Variants in GAL3ST2 observed in about 807,000 individuals in gnomAD.
GAL3ST2 encodes the protein galactose-3-O-sulfotransferase 2.
GAL3ST2 carries 16 observed loss-of-function variants against 12.9 expected under a neutral mutation model. The ratio of observed to expected loss-of-function variants is 1.24; its 90% CI spans 0.84 to 1.88. GAL3ST2 has a LOEUF of 1.88. Among genes scored for constraint, GAL3ST2 ranks in the 40% most tolerant of loss-of-function variants. GAL3ST2 has a pLI of 0.00. For synonymous variants in GAL3ST2, 302 were observed against 273.9 expected (o/e 1.10, Z -1.01); for missense variants, 639 against 571.8 (o/e 1.12, Z -1.20).
chr2:241,800,056 C>T lies in GAL3ST2; in HGVS notation c.119+902C>T, dbSNP rs1699821888. Among the ~76,000 whole-genome samples, 1 of 152,182 alleles carries T rather than the reference C, an allele frequency of 6.6e-6. No homozygotes were observed. Among genetic ancestry groups the T allele is most frequent in the African/African-American group, 2.4e-5 (1 of 41,432 alleles). On this transcript the variant is annotated intron_variant, in intron 2 of 3. Coordinates refer to ENST00000192314, the MANE Select transcript of GAL3ST2 (RefSeq NM_022134.3). The surrounding 1 kb of genome is among the most constrained non-coding windows in gnomAD (Gnocchi z 5.2). ...CAGCTGCATGTGCGTGCCTGGGCAC[C>T]AGGGAGAAGGCTGGGGTGATGTGTG...
chr2:241,783,449 T>C (rs180939705), intron 1 of GAL3ST2, among the ~76,000 whole-genome samples: 127 of 152,336 alleles, frequency 8.3e-4, no homozygotes, highest in African/African-American at 2.9e-3. Flanking sequence ...TGTATTGTTA[T>C]AACTTTCTAT....
Position 241,803,630 on chromosome 2 carries a change from T to G in GAL3ST2, c.661T>G (p.Phe221Val). ...RARIAEVERR[F>V]RLVLIAEHLD... ...GCGCATCGCCGAGGTGGAGCGGCGC[T>G]TCCGGCTGGTGCTCATCGCCGAGCA... Residue 221 changes from phenylalanine (F) to valine (V), a missense_variant, in exon 4 of 4, where the codon TTC becomes GTC. Physicochemically the swap from Phe to Val is conservative, Grantham distance 50. Transcript: ENST00000192314. 6.4e-7 allele frequency: 1 copy of G among 1,553,984 alleles called. No homozygotes were observed. Among genetic ancestry groups the G allele is most frequent in the Non-Finnish European group, 8.7e-7 (1 of 1,148,514 alleles).
At chr2:241,786,932 A>G (rs1044183917) in intron 1 of GAL3ST2, among the ~76,000 whole-genome samples, 5 of 152,190 alleles carry the variant, frequency 3.3e-5, no homozygotes, top group African/African-American at 1.2e-4. Context: ...CTTAGGGCCA[A>G]CCTGCCTCCC....
intron 1 of GAL3ST2, among the ~76,000 whole-genome samples, chr2:241,784,838 T>C (rs1347397470): frequency 6.6e-6 from 1 of 152,248 alleles, no homozygotes; most frequent in Non-Finnish European, 1.5e-5. Flanking sequence ...TAAATTTGCA[T>C]ATTAAAGGAA....
At chr2:241,787,540 C>CTCCTTTTTTT (rs762011937) in intron 1 of GAL3ST2, among the ~76,000 whole-genome samples, 1 of 136,274 alleles carries the variant, frequency 7.3e-6, no homozygotes, top group African/African-American at 2.8e-5. Context: ...ACTTCTCCTC[C>CTCCTTTTTTT]TTTTTTTTTT....
intron 1 of GAL3ST2, among the ~76,000 whole-genome samples, chr2:241,783,904 G>A (rs1385057675): frequency 6.6e-6 from 1 of 152,210 alleles, no homozygotes; most frequent in Non-Finnish European, 1.5e-5. Context: ...AAAATGATAA[G>A]AGCCCTTTCC....
At position 241,799,046 on chromosome 2, in the gene GAL3ST2, T is replaced by C. The variant is rs769671864; in HGVS notation, c.30-19T>C. The C allele has an allele frequency of 1.3e-5, 21 of 1,601,184 alleles. 1 individual carries two copies. Among genetic ancestry groups the C allele is most frequent in the Admixed American group, 1.7e-5 (1 of 59,988 alleles). On this transcript the variant is annotated intron_variant, in intron 1 of 3. Transcript: ENST00000192314. ...TGGCACGACCCGGACTGGGCACTCA[T>C]GGCCTGCCCTTTCCACAGATACTTC...
rs1276050413 is a variant in GAL3ST2 at position 241,803,960 on chromosome 2, C to T, written c.991C>T (p.His331Tyr). ...CLQDGGALKNHTQIRDPRLRP... is the reference protein window; with the variant it reads ...CLQDGGALKNYTQIRDPRLRP... ...GCAGGACGGCGGCGCGCTCAAGAAC[C>T]ACACGCAGATCAGAGACCCGCGCCT... is the stretch of plus-strand genomic sequence containing the variant. The change falls in exon 4 of 4, where the codon CAC becomes TAC. Residue 331 changes from histidine to tyrosine, a missense_variant. His to Tyr is a moderately conservative substitution (Grantham distance 83). Transcript: ENST00000192314. 6.6e-7 allele frequency: 1 copy of T among 1,511,714 alleles called. No homozygotes were observed. The highest frequency in any genetic ancestry group is 8.8e-7 in the Non-Finnish European group (1 of 1,133,616). The allele number at this position is 1,511,714 out of a possible 1,614,324, so 93.6% of individuals were successfully genotyped here. A position where few individuals can be genotyped will look rare whatever the true frequency, so the allele number is the denominator to read the frequency against.
At chr2:241,784,576 A>G (rs1205571731) in intron 1 of GAL3ST2, among the ~76,000 whole-genome samples, 1 of 152,242 alleles carries the variant, frequency 6.6e-6, no homozygotes, top group African/African-American at 2.4e-5. Flanking sequence ...AGTGGTGTGA[A>G]CTTGAAGGGC....
chr2:241,798,879 C>T (rs925469313), intron 1 of GAL3ST2, among the ~76,000 whole-genome samples, 186 bp from the exon 2 acceptor site: 7 of 152,164 alleles, frequency 4.6e-5, no homozygotes, highest in Non-Finnish European at 1.0e-4. Context: ...CAGATTCAGG[C>T]CTGTCCTGGG....
rs1024640349 is a variant in GAL3ST2 at position 241,800,686 on chromosome 2, G to C, written c.120-1095G>C. Among the ~76,000 whole-genome samples the C allele has an allele frequency of 6.6e-6, 1 of 152,212 alleles. No individual in the cohort carries two copies. The highest frequency in any genetic ancestry group is 1.5e-5 in the Non-Finnish European group (1 of 68,046). ...ACTGAAATGCGGCTCTTGTCCGATG[G>C]CAGCTGTGGTTCTGGCTGGGGGAGC... On this transcript the variant is annotated intron_variant, in intron 2 of 3. Transcript: ENST00000192314. This position sits in a 1 kb window ranked among gnomAD's most constrained non-coding sequence, Gnocchi z 5.2.
At chr2:241,791,231 G>A (rs548431476) in intron 1 of GAL3ST2, among the ~76,000 whole-genome samples, 11 of 152,216 alleles carry the variant, frequency 7.2e-5, no homozygotes, top group South Asian at 2.1e-4. Context: ...TCTTTTTGTC[G>A]ACACTCTCTA....
At position 241,800,466 on chromosome 2, in the gene GAL3ST2, C is replaced by T. The variant is rs368943181; in HGVS notation, c.119+1312C>T. On this transcript the variant is annotated intron_variant, in intron 2 of 3. Coordinates refer to ENST00000192314, the MANE Select transcript of GAL3ST2 (RefSeq NM_022134.3). The surrounding 1 kb of genome is among the most constrained non-coding windows in gnomAD (Gnocchi z 5.2). Reference sequence around the variant, plus strand: ...TATTCATGAAGGGGGTCCTGACGCACGTGTCCTGAACAAACAGGTGTGTTA... The same window carrying T: ...TATTCATGAAGGGGGTCCTGACGCATGTGTCCTGAACAAACAGGTGTGTTA... Among the ~76,000 whole-genome samples, 1 of 152,150 alleles carries T rather than the reference C, an allele frequency of 6.6e-6. No individual in the cohort carries two copies. The highest frequency in any genetic ancestry group is 2.4e-5 in the African/African-American group (1 of 41,416).
chr2:241,801,457 T>G lies in GAL3ST2; in HGVS notation c.120-324T>G. The stretch of plus-strand genomic sequence containing the variant: ...CATCCCATCACTGCTGGGAACTCAG[T>G]TTTAAGGTGGGTCTGGGGTCCCCTT... On this transcript the variant is annotated intron_variant, in intron 2 of 3. Coordinates refer to ENST00000192314, the MANE Select transcript of GAL3ST2 (RefSeq NM_022134.3). The surrounding 1 kb of genome is among the most constrained non-coding windows in gnomAD (Gnocchi z 4.4). 6.1e-5 allele frequency: 24 copies of G among 395,406 alleles called. No homozygotes were observed. The highest frequency in any genetic ancestry group is 1.1e-4 in the East Asian group (2 of 18,652). The allele number at this position is 395,406 out of a possible 1,614,324, so 24.5% of individuals were successfully genotyped here. A position where few individuals can be genotyped will look rare whatever the true frequency, so the allele number is the denominator to read the frequency against.
rs1253167129 is a variant in GAL3ST2 at position 241,804,119 on chromosome 2, C to T, written c.1150C>T (p.Gln384Ter). Reference protein sequence around the residue: ...LQYMARLYALQFPEKPLKNIP... With the variant: ...LQYMARLYAL ...GTACATGGCCCGCCTGTACGCCCTGCAGTTCCCGGAGAAGCCCCTCAAGAA... is the reference window on the plus strand; with the variant it reads ...GTACATGGCCCGCCTGTACGCCCTGTAGTTCCCGGAGAAGCCCCTCAAGAA... The change falls in exon 4 of 4, where the codon CAG (glutamine) becomes TAG (stop). Residue 384 changes from glutamine (Q) to a stop codon, truncating the protein, a stop_gained. Transcript: ENST00000192314. LOFTEE classifies it low-confidence loss of function (END_TRUNC). 2 of 1,500,110 alleles carry T rather than the reference C, an allele frequency of 1.3e-6. No individual in the cohort carries two copies. The highest frequency in any genetic ancestry group is 1.8e-6 in the Non-Finnish European group (2 of 1,123,600). The allele number at this position is 1,500,110 out of a possible 1,614,324, so 92.9% of individuals were successfully genotyped here.
chr2:241,804,047 A>G lies in GAL3ST2; in HGVS notation c.1078A>G (p.Asn360Asp), dbSNP rs759656886. 6 of 1,561,162 alleles carry G rather than the reference A, an allele frequency of 3.8e-6. No homozygotes were observed. The highest frequency in any genetic ancestry group is 5.2e-6 in the Non-Finnish European group (6 of 1,155,052). ...LGYNLRPGLD[N>D]QTLGVCQRLV... ...TTACAACCTCCGGCCGGGCCTGGAC[A>G]ACCAGACGCTGGGCGTGTGCCAGAG... Residue 360 changes from asparagine to aspartate, a missense_variant, in exon 4 of 4, where the codon AAC becomes GAC. Transcript: ENST00000192314.
rs1301985142 is a variant in GAL3ST2, at chr2:241,795,675, G to C, written c.30-3390G>C. Among the ~76,000 whole-genome samples, 1 of 152,276 alleles carries C rather than the reference G, an allele frequency of 6.6e-6. No individual in the cohort carries two copies. Among genetic ancestry groups the C allele is most frequent in the Non-Finnish European group, 1.5e-5 (1 of 68,046 alleles). On this transcript the variant is annotated intron_variant, in intron 1 of 3. Transcript: ENST00000192314. This position sits in a 1 kb window ranked among gnomAD's most constrained non-coding sequence, Gnocchi z 4.5. ...GGAGGGTCTTGGGAAGTCCGCAGAA[G>C]TGGCCCAATGGCAGAGCAGGAGCTC...
intron 1 of GAL3ST2, among the ~76,000 whole-genome samples, chr2:241,789,012 T>G (rs1428535008): frequency 6.6e-6 from 1 of 152,154 alleles, no homozygotes; most frequent in Non-Finnish European, 1.5e-5. Flanking sequence ...CTCTGTAGGG[T>G]TTAAGGCACA....
chr2:241,803,386 C>T lies in GAL3ST2; in HGVS notation c.417C>T (p.Ile139=), dbSNP rs1317753985. The T allele has an allele frequency of 7.7e-5, 124 of 1,612,086 alleles. No homozygotes were observed. Among genetic ancestry groups the T allele is most frequent in the Non-Finnish European group, 1.0e-4 (121 of 1,179,098 alleles). The change falls in exon 4 of 4, where the codon ATC becomes ATT. Residue 139 remains isoleucine (I), a synonymous_variant. Transcript: ENST00000192314. ...CCAACGACACCTTCTACTTCTCCAT[C>T]CTGAGGAACCCCGTGTTCCAGCTGG... ...VMPNDTFYFS[I]LRNPVFQLES... is the part of the protein sequence containing the mutation.
Sources: gnomAD v4.1 joint callset for allele counts (sites outside exome capture counted in the v4.1 genomes callset) on GRCh38, gnomAD v4.1.1 for gene constraint, Gnocchi (gnomAD v3.1) non-coding constraint, MANE v1.5 for transcripts, NCBI Gene and HGNC (gene_info 2026-07-23, HGNC 2026-07-21) for gene names.